Variants in TUSC3 observed in about 807,000 individuals in gnomAD.
TUSC3 encodes dolichyl-diphosphooligosaccharide--protein glycosyltransferase subunit TUSC3.
In TUSC3, 45 loss-of-function variants were observed where a neutral mutation model predicts 44.8. The ratio of observed to expected loss-of-function variants is 1.00; its 90% confidence interval spans 0.79 to 1.29. The LOEUF (loss-of-function observed/expected upper bound fraction) is 1.29. Among genes scored for constraint, TUSC3 ranks in the 50% most tolerant of loss-of-function variants. The pLI is 0.00. For synonymous variants in TUSC3, 212 were observed against 152.9 expected, an observed-to-expected ratio of 1.39 and a Z score of -2.85; for missense variants, 519 against 437.9, an observed-to-expected ratio of 1.19 and a Z score of -1.65.
intron 10 of TUSC3, among the ~76,000 whole-genome samples, chr8:15,760,241 C>A (rs1239926401): frequency 6.6e-6 from 1 of 152,094 alleles, no homozygotes; most frequent in Non-Finnish European, 1.5e-5. Flanking sequence ...ATTCATAAAT[C>A]CCAACACCCA....
chr8:15,836,106 T>C, the TUSC3 span, among the ~76,000 whole-genome samples: 1,469 of 152,088 alleles, frequency 9.7e-3, 29 homozygotes, highest in African/African-American at 0.034. Context: ...ATTTGCTTCA[T>C]TTATTCTCAT....
intron 5 of TUSC3, among the ~76,000 whole-genome samples, chr8:15,662,857 G>C (rs1807486262): frequency 6.6e-6 from 1 of 151,912 alleles, no homozygotes; most frequent in African/African-American, 2.4e-5. Flanking sequence ...ACCTAACCTA[G>C]AGTAAAGGGA....
intron 2 of TUSC3, among the ~76,000 whole-genome samples, chr8:15,502,131 T>G (rs1335872975): frequency 1.3e-5 from 2 of 152,188 alleles, no homozygotes; most frequent in Non-Finnish European, 2.9e-5. Context: ...AGAGTTTAAA[T>G]TGTGTTGACA....
intron 1 of TUSC3, among the ~76,000 whole-genome samples, chr8:15,608,159 T>C (rs1269498615): frequency 6.6e-6 from 1 of 152,182 alleles, no homozygotes; most frequent in Non-Finnish European, 1.5e-5. Context: ...AGTTCTTGAT[T>C]TTGATTCACC....
At chr8:15,802,376 G>A in the TUSC3 span, among the ~76,000 whole-genome samples, 35 of 152,286 alleles carry the variant, frequency 2.3e-4, no homozygotes, top group East Asian at 5.4e-3. Context: ...ACTCCTCAAA[G>A]ATTAATTATG....
chr8:15,617,120 A>ATGTGTGTGTGTGTGTGTGTGTGTGTG (rs143444660), intron 1 of TUSC3, among the ~76,000 whole-genome samples: 1,801 of 123,680 alleles, frequency 0.015, 81 homozygotes, highest in African/African-American at 0.047. Flanking sequence ...TATCTGTAAA[A>ATGTGTGTGTGTGTGTGTGTGTGTGTG]TGTGTGTGTG....
intron 1 of TUSC3, among the ~76,000 whole-genome samples, chr8:15,552,004 A>G (rs1044512129): frequency 4.6e-5 from 7 of 151,728 alleles, no homozygotes; most frequent in African/African-American, 1.7e-4. Flanking sequence ...CTTCTTGAGT[A>G]TGGAGACTTC....
intron 1 of TUSC3, among the ~76,000 whole-genome samples, chr8:15,427,297 G>A (rs1160804462): frequency 1.3e-5 from 2 of 151,162 alleles, no homozygotes; most frequent in African/African-American, 4.9e-5. Context: ...GTATGAGCAG[G>A]GCAGGAGAGG....
At position 15,607,813 on chromosome 8, in the gene TUSC3, A is replaced by G. The variant is rs1185004567; in HGVS notation, c.139-15267A>G. Among the ~76,000 whole-genome samples, 6 of 152,164 alleles carry G rather than the reference A, an allele frequency of 3.9e-5. No homozygotes were observed. In the South Asian group the frequency reaches 8.3e-4, roughly 21 times the overall value. On this transcript the variant is annotated intron_variant, in intron 1 of 10. Transcript: ENST00000503731. ...TCAGTTAAATCTGTATTGATTGACT[A>G]TATGCTATTAAAAATGTAGAAATTT...
chr8:15,777,580 T>C, the TUSC3 span, among the ~76,000 whole-genome samples: 10 of 152,214 alleles, frequency 6.6e-5, no homozygotes, highest in African/African-American at 2.2e-4. Flanking sequence ...ATATAAATGA[T>C]AGTACTTCCT....
chr8:15,464,916 C>A (rs948756993), intron 1 of TUSC3, among the ~76,000 whole-genome samples: 1 of 152,080 alleles, frequency 6.6e-6, no homozygotes, highest in Non-Finnish European at 1.5e-5. Flanking sequence ...ATGGTGTGAT[C>A]TTGGCTCACT....
Position 15,764,645 on chromosome 8 carries a change from T to G in TUSC3, c.*489T>G, listed in dbSNP as rs1220091193. ...AAATTAAACTTACTTCAGTTTCAGT[T>G]ATAAAGGACGTGCACTGTTACGAAT... is the stretch of plus-strand genomic sequence containing the variant. On this transcript the variant is annotated 3_prime_UTR_variant, in exon 11 of 11. Coordinates refer to ENST00000503731, the MANE Select transcript of TUSC3 (RefSeq NM_006765.4). The G allele has an allele frequency of 5.5e-6, 1 of 183,254 alleles. No individual in the cohort carries two copies. The highest frequency in any genetic ancestry group is 1.4e-4 in the East Asian group (1 of 7,162). The allele number at this position is 183,254 out of a possible 1,614,324, so 11.4% of individuals were successfully genotyped here.
intron 1 of TUSC3, among the ~76,000 whole-genome samples, chr8:15,453,063 G>A (rs529423362): frequency 6.6e-5 from 10 of 152,078 alleles, no homozygotes; most frequent in African/African-American, 2.4e-4. Flanking sequence ...AGGATTAAAC[G>A]CAATATATAG....
chr8:15,495,620 C>T (rs1277795529), intron 2 of TUSC3, among the ~76,000 whole-genome samples: 1 of 152,146 alleles, frequency 6.6e-6, no homozygotes, highest in African/African-American at 2.4e-5. Flanking sequence ...CACAATTCTA[C>T]CCAAGAAAAT....
At chr8:15,424,231 C>T (rs1799777412) in intron 1 of TUSC3, among the ~76,000 whole-genome samples, 1 of 151,728 alleles carries the variant, frequency 6.6e-6, no homozygotes, top group East Asian at 2.0e-4. Flanking sequence ...TTGTGATCTG[C>T]CCCCTTGGCC....
chr8:15,750,951 AAGAAAC>A (rs1320215184), intron 9 of TUSC3, among the ~76,000 whole-genome samples: 1 of 152,192 alleles, frequency 6.6e-6, no homozygotes, highest in Non-Finnish European at 1.5e-5. Context: ...AGGAGCTGCC[AAGAAAC>A]AGAATCAGAA....
intron 6 of TUSC3, chr8:15,689,002 C>A (rs1322293531): frequency 7.8e-6 from 2 of 255,614 alleles, no homozygotes; most frequent in Non-Finnish European, 1.6e-5. Flanking sequence ...GGGTTACAGT[C>A]AAACAACCGG....
At chr8:15,681,126 T>TG (rs1337590392) in intron 6 of TUSC3, among the ~76,000 whole-genome samples, 5 of 144,530 alleles carry the variant, frequency 3.5e-5, no homozygotes, top group African/African-American at 1.2e-4. Context: ...CCTTCATCCT[T>TG]GATTTTTTTT....
chr8:15,747,358 G>T (rs1218385561), intron 8 of TUSC3, among the ~76,000 whole-genome samples: 1 of 151,704 alleles, frequency 6.6e-6, no homozygotes, highest in African/African-American at 2.4e-5. Flanking sequence ...GTGAATAAAA[G>T]GTGTATTGTG....
Sources: allele counts gnomAD v4.1 joint callset (sites outside exome capture counted in the v4.1 genomes callset), GRCh38; gene constraint gnomAD v4.1.1; transcripts MANE v1.5; gene names NCBI Gene and HGNC (gene_info 2026-07-23, HGNC 2026-07-21).